The following CHRNB3 variants were observed in gnomAD, a reference collection of about 807,000 sequenced individuals.
CHRNB3 encodes the protein cholinergic receptor nicotinic beta 3 subunit.
In CHRNB3, 37 loss-of-function variants were observed where a neutral mutation model predicts 40.6. The observed-to-expected ratio is 0.91, with a 90% confidence interval of 0.70 to 1.20. The LOEUF (loss-of-function observed/expected upper bound fraction) is 1.20. CHRNB3 is among the 50% of genes most tolerant of loss of function. The pLI, the probability that CHRNB3 is intolerant of heterozygous loss-of-function variation, is 0.00. For synonymous variants in CHRNB3, 207 were observed against 207.1 expected (o/e 1.00, Z 0.00); for missense variants, 505 against 551.2 (o/e 0.92, Z 0.84).
chr8:42,729,326 C>A (rs538785824), intron 3 of CHRNB3, among the ~76,000 whole-genome samples: 1 of 151,986 alleles, frequency 6.6e-6, no homozygotes, highest in Non-Finnish European at 1.5e-5. Flanking sequence ...AGGAGAATGG[C>A]GTGAACCTGG....
In CHRNB3 at chr8:42,710,390, G is replaced by A; in HGVS notation, c.205G>A (p.Asp69Asn). Residue 69 changes from aspartate (D) to asparagine (N), a missense_variant and splice_region_variant, in exon 3 of 6, where the codon GAT becomes AAT. Asp to Asn is a conservative substitution (Grantham distance 23, BLOSUM62 1). Transcript: ENST00000289957. Reference sequence around the variant, plus strand: ...ATTTTTTAAATTTTCATTTTCTTAGGATGAAAAGAATCAGCTGATGACAAC... The same window carrying A: ...ATTTTTTAAATTTTCATTTTCTTAGAATGAAAAGAATCAGCTGATGACAAC... Reference protein sequence around the residue: ...GLKISQLVDVDEKNQLMTTNV... With the variant: ...GLKISQLVDVNEKNQLMTTNV... 6.2e-7 allele frequency: 1 copy of A among 1,601,082 alleles called. No individual in the cohort carries two copies. The highest frequency in any genetic ancestry group is 8.5e-7 in the Non-Finnish European group (1 of 1,172,882).
rs572302687 is a variant in CHRNB3 at position 42,737,213 on chromosome 8, C to T, written c.*595C>T. ...ACAGATTCCAAGTTGCCTGGCCTAC[C>T]GAAGCAGGTGTTATTCATGGTTTAT... On this transcript the variant is annotated 3_prime_UTR_variant, in exon 6 of 6. Transcript: ENST00000289957. The T allele has an allele frequency of 2.0e-5, 3 of 152,234 alleles. No individual in the cohort carries two copies. The highest frequency in any genetic ancestry group is 4.4e-5 in the Non-Finnish European group (3 of 68,158). 9.4% of individuals were successfully genotyped at this position (152,234 alleles called of 1,614,324 possible).
intron 3 of CHRNB3, among the ~76,000 whole-genome samples, chr8:42,726,647 C>T (rs62518229): frequency 0.057 from 8,692 of 152,054 alleles, 326 homozygotes; most frequent in Middle Eastern, 0.11. Flanking sequence ...TACAGGCACC[C>T]ACCATCATGC....
At chr8:42,724,722 T>A (rs2128907764) in intron 3 of CHRNB3, among the ~76,000 whole-genome samples, 2 of 152,264 alleles carry the variant, frequency 1.3e-5, no homozygotes, top group Admixed American at 1.3e-4. Context: ...CTCACGCCTG[T>A]AATCCCAGTA....
At chr8:42,735,925 A>G (rs146517979) in intron 5 of CHRNB3, among the ~76,000 whole-genome samples, 1 of 152,276 alleles carries the variant, frequency 6.6e-6, no homozygotes, top group Non-Finnish European at 1.5e-5. Flanking sequence ...CCCTAGTAAG[A>G]TATACTGGCT....
intron 1 of CHRNB3, among the ~76,000 whole-genome samples, chr8:42,703,438 ATTTATAT>A (rs1563606373): frequency 2.9e-5 from 2 of 69,124 alleles, no homozygotes; most frequent in Non-Finnish European, 5.4e-5. Flanking sequence ...AAAAAAAAAT[ATTTATAT>A]ATATATATAT....
At chr8:42,705,574 C>G (rs79815526) in intron 1 of CHRNB3, 1 of 152,274 alleles carries the variant, frequency 6.6e-6, no homozygotes, top group Non-Finnish European at 1.5e-5. Flanking sequence ...AGTGATCTCA[C>G]CAGATGCTCA....
In CHRNB3 at chr8:42,736,924, A is replaced by G. The variant is rs1180586060; in HGVS notation, c.*306A>G. On this transcript the variant is annotated 3_prime_UTR_variant, in exon 6 of 6. Coordinates refer to ENST00000289957, the MANE Select transcript of CHRNB3 (RefSeq NM_000749.5). ...CCAGAGTGCACAAAAAGCTGTTGCT[A>G]CTTGGTGGAGGAACACCTCCTAGAA... 16 of 279,210 alleles carry G rather than the reference A, an allele frequency of 5.7e-5. No individual in the cohort carries two copies. Among genetic ancestry groups the G allele is most frequent in the Non-Finnish European group, 2.0e-5 (3 of 150,614 alleles). The allele number at this position is 279,210 out of a possible 1,614,324, so 17.3% of individuals were successfully genotyped here.
intron 1 of CHRNB3, among the ~76,000 whole-genome samples, chr8:42,703,422 T>TAAA (rs1202825994): frequency 7.9e-4 from 21 of 26,474 alleles, no homozygotes; most frequent in South Asian, 6.6e-3. Flanking sequence ...AGACTTCGTC[T>TAAA]AAAAAAAAAA....
rs568266347 is a variant in CHRNB3, at chr8:42,702,540, G to C, written c.52+4942G>C. On this transcript the variant is annotated intron_variant, in intron 1 of 5. Coordinates refer to ENST00000289957, the MANE Select transcript of CHRNB3 (RefSeq NM_000749.5). ...CCCAGCACTTTGGGAGGCCAAGGTGGGATCACCAGGTCCAGAGATCGAGAC... is the reference window on the plus strand; with the variant it reads ...CCCAGCACTTTGGGAGGCCAAGGTGCGATCACCAGGTCCAGAGATCGAGAC... Among the ~76,000 whole-genome samples the C allele has an allele frequency of 2.4e-4, 37 of 152,222 alleles. No homozygotes were observed. The East Asian group carries it at 3.9e-3, about 16-fold the overall frequency.
chr8:42,708,640 C>T, intron 1 of CHRNB3, 77 bp from the exon 2 acceptor site: 9 of 1,513,426 alleles, frequency 5.9e-6, no homozygotes, highest in Non-Finnish European at 8.1e-6. Flanking sequence ...GAGGCCAAGG[C>T]CACAGGAGCC....
chr8:42,733,695 C>A (rs887662124), intron 5 of CHRNB3, among the ~76,000 whole-genome samples: 3 of 144,974 alleles, frequency 2.1e-5, no homozygotes, highest in Admixed American at 7.4e-5. Flanking sequence ...TGGGTTCAAG[C>A]GATTCTGCTG....
chr8:42,720,196 G>C (rs555143807), intron 3 of CHRNB3, among the ~76,000 whole-genome samples: 3 of 127,522 alleles, frequency 2.4e-5, no homozygotes, highest in South Asian at 2.7e-4. Context: ...GCACGATCTC[G>C]GCTCCGCCTC....
chr8:42,704,682 G>A (rs1340001324), intron 1 of CHRNB3, among the ~76,000 whole-genome samples: 1 of 150,570 alleles, frequency 6.6e-6, no homozygotes, highest in Non-Finnish European at 1.5e-5. Context: ...GCTAATAGGT[G>A]TGTGTGTGTG....
rs755411549 is a variant in CHRNB3, at chr8:42,708,798, G to T, written c.134G>T (p.Arg45Leu). Residue 45 changes from arginine (R) to leucine (L), a missense_variant, in exon 2 of 6, where the codon CGC (arginine) becomes CTC (leucine). Arg to Leu is a moderately radical substitution (Grantham distance 102). Transcript: ENST00000289957. ...HLFQGYQKWV[R>L]PVLHSNDTIK... is the part of the protein sequence containing the mutation. ...TTCCAAGGTTATCAGAAATGGGTCC[G>T]CCCTGTATTACATTCTAATGACACC... 1.1e-5 allele frequency: 18 copies of T among 1,613,880 alleles called. No homozygotes were observed. Among genetic ancestry groups the T allele is most frequent in the Non-Finnish European group, 1.5e-5 (18 of 1,179,928 alleles).
intron 3 of CHRNB3, among the ~76,000 whole-genome samples, chr8:42,723,676 C>G (rs1816258043): frequency 6.6e-6 from 1 of 152,170 alleles, no homozygotes; most frequent in South Asian, 2.1e-4. Flanking sequence ...GATGACCCAG[C>G]CATGTGCAGC....
chr8:42,708,879 C>T lies in CHRNB3; in HGVS notation c.204+11C>T. The T allele has an allele frequency of 1.2e-6, 2 of 1,605,656 alleles. No homozygotes were observed. Among genetic ancestry groups the T allele is most frequent in the Non-Finnish European group, 1.7e-6 (2 of 1,175,900 alleles). ...CAGCTTGTAGATGTGGTGAGTAATC[C>T]TTGGCACTTGGCTAAAAAGAACATG... On this transcript the variant is annotated intron_variant, in intron 2 of 5. Transcript: ENST00000289957.
rs1025061274 is a variant in CHRNB3, at chr8:42,714,894, G to A, written c.249+4460G>A. On this transcript the variant is annotated intron_variant, in intron 3 of 5. Transcript: ENST00000289957. ...CCTTAGACTGGAGGGAGAGTTTGGA[G>A]AGTGTCCTGTTCTCCTGTTAGTCCT... 2.0e-5 allele frequency: 3 copies of A among 152,214 alleles called. No individual in the cohort carries two copies. The East Asian group carries it at 5.8e-4, about 29-fold the overall frequency. The allele number at this position is 152,214 out of a possible 1,614,324, so 9.4% of individuals were successfully genotyped here.
chr8:42,702,652 A>G (rs1815829992), intron 1 of CHRNB3, among the ~76,000 whole-genome samples: 1 of 152,090 alleles, frequency 6.6e-6, no homozygotes, highest in Non-Finnish European at 1.5e-5. Context: ...AATCCCAGCT[A>G]CTTGGGAGGC....
Sources: allele counts gnomAD v4.1 joint callset (sites outside exome capture counted in the v4.1 genomes callset), GRCh38; gene constraint gnomAD v4.1.1; transcripts MANE v1.5; gene names NCBI Gene and HGNC (gene_info 2026-07-23, HGNC 2026-07-21).